The following CFH variants were observed in gnomAD, a reference collection of about 807,000 sequenced individuals.
CFH encodes complement factor H.
A neutral mutation model predicts 147.3 loss-of-function variants in CFH; 53 were observed. That is an observed-to-expected ratio of 0.36 (90% CI 0.29 to 0.45). CFH has a LOEUF of 0.45. CFH is among the 20% of genes least tolerant of loss of function. The probability of loss-of-function intolerance (pLI) is 1.00; values close to 1 mark genes in which losing one functional copy is unlikely to be tolerated. For synonymous variants in CFH, 536 were observed against 489.4 expected, an observed-to-expected ratio of 1.10 and a Z score of -1.26; for missense variants, 1,380 against 1,498.0, an observed-to-expected ratio of 0.92 and a Z score of 1.30.
intron 6 of CFH, 117 bp downstream of exon 6, chr1:196,679,910 AT>A: frequency 1.1e-6 from 1 of 945,386 alleles, no homozygotes; most frequent in South Asian, 1.6e-5. Context: ...TAAATAAACT[AT>A]TATAAAAAAC....
At chr1:196,719,338 A>G (rs1208891768) in intron 11 of CFH, among the ~76,000 whole-genome samples, 1 of 151,988 alleles carries the variant, frequency 6.6e-6, no homozygotes, top group African/African-American at 2.4e-5. Flanking sequence ...AGCACAAAAT[A>G]CGTGAACAAA....
intron 11 of CFH, among the ~76,000 whole-genome samples, chr1:196,718,983 T>C (rs1318934065): frequency 6.6e-6 from 1 of 152,084 alleles, no homozygotes; most frequent in African/African-American, 2.4e-5. Flanking sequence ...GACATCTGAG[T>C]ATATTTCAAG....
intron 9 of CFH, among the ~76,000 whole-genome samples, chr1:196,691,187 A>G (rs1668010995): frequency 6.6e-6 from 1 of 152,208 alleles, no homozygotes; most frequent in South Asian, 2.1e-4. Flanking sequence ...CAATCATTTG[A>G]CTCAAAATAA....
intron 21 of CFH, 35 bp downstream of exon 21, chr1:196,746,034 C>A (rs768894055): frequency 3.6e-5 from 58 of 1,614,000 alleles, no homozygotes; most frequent in Non-Finnish European, 4.4e-5. Context: ...CTGGAAAAAT[C>A]TCTGTGATGA....
intron 3 of CFH, among the ~76,000 whole-genome samples, chr1:196,675,395 C>T (rs1305915220): frequency 6.6e-6 from 1 of 152,074 alleles, no homozygotes; most frequent in Non-Finnish European, 1.5e-5. Flanking sequence ...GAGGCAAGTG[C>T]TGAAAGTAAA....
chr1:196,714,668 T>TATATATATAGAGAGAGAG (rs1362376856), intron 10 of CFH, among the ~76,000 whole-genome samples: 1 of 21,312 alleles, frequency 4.7e-5, no homozygotes, highest in Non-Finnish European at 8.4e-5. Flanking sequence ...TATATATATA[T>TATATATATAGAGAGAGAG]AGAGAGAGAG....
At chr1:196,735,038 C>T (rs1480805891) in intron 15 of CFH, among the ~76,000 whole-genome samples, 3 of 152,046 alleles carry the variant, frequency 2.0e-5, no homozygotes, top group Non-Finnish European at 4.4e-5. Flanking sequence ...AAATATAAAA[C>T]TTTAAAGCTC....
intron 1 of CFH, among the ~76,000 whole-genome samples, chr1:196,653,794 T>C (rs577835801): frequency 6.6e-6 from 1 of 152,106 alleles, no homozygotes; most frequent in Non-Finnish European, 1.5e-5. Context: ...TTTCTACTGG[T>C]GAATTGAACA....
chr1:196,733,413 A>G (rs1669326550), intron 15 of CFH, among the ~76,000 whole-genome samples: 1 of 151,980 alleles, frequency 6.6e-6, no homozygotes, highest in Non-Finnish European at 1.5e-5. Context: ...GGAGACTGGT[A>G]TTTTTCTAAT....
At chr1:196,731,659 A>G (rs1669282998) in intron 15 of CFH, among the ~76,000 whole-genome samples, 1 of 151,852 alleles carries the variant, frequency 6.6e-6, no homozygotes, top group South Asian at 2.1e-4. Context: ...ACTCCCTTTA[A>G]CATTTCTTGT....
chr1:196,745,471 ATTTTATAATTCCTATGGG>A, intron 20 of CFH, among the ~76,000 whole-genome samples: 1 of 152,196 alleles, frequency 6.6e-6, no homozygotes, highest in Admixed American at 6.5e-5. Flanking sequence ...ATACTTTTCC[ATTTTATAATTCCTATGGG>A]ATTTTTCGAA....
chr1:196,683,385 C>G lies in CFH; in HGVS notation c.791-1679C>G, dbSNP rs575630876. On this transcript the variant is annotated intron_variant, in intron 6 of 21. Transcript: ENST00000367429. ...CATTGGGCTCATTGGTAGCTTTTAT[C>G]AGAGCAATGGCAACAAAATAGAGGT... Among the ~76,000 whole-genome samples, 3 of 151,640 alleles carry G rather than the reference C, an allele frequency of 2.0e-5. No homozygotes were observed. In the South Asian group the frequency reaches 6.2e-4, roughly 31 times the overall value.
At chr1:196,676,215 T>C (rs993203818) in intron 4 of CFH, 150 bp downstream of exon 4, 25 of 522,208 alleles carry the variant, frequency 4.8e-5, no homozygotes, top group Non-Finnish European at 7.1e-5. Context: ...CTAGTCTTTT[T>C]ATTACTACAT....
chr1:196,723,405 G>T (rs1487483836), intron 11 of CFH, among the ~76,000 whole-genome samples: 1 of 152,146 alleles, frequency 6.6e-6, no homozygotes, highest in Non-Finnish European at 1.5e-5. Context: ...TATGTACTGG[G>T]TGTATGACGA....
At chr1:196,706,891 T>A (rs1668603281) in intron 9 of CFH, among the ~76,000 whole-genome samples, 1 of 152,154 alleles carries the variant, frequency 6.6e-6, no homozygotes, top group Non-Finnish European at 1.5e-5. Context: ...TAGCAGGAAA[T>A]TTTAAATACT....
intron 3 of CFH, among the ~76,000 whole-genome samples, chr1:196,674,332 T>A (rs1404323353): frequency 6.6e-6 from 1 of 152,202 alleles, no homozygotes; most frequent in Admixed American, 6.5e-5. Context: ...GTATGGTAAC[T>A]GTTTTGACAG....
rs765040241 is a variant in CFH, at chr1:196,652,103, TAA to T, written c.-12_-11del. 3 of 1,595,824 alleles carry T rather than the reference TAA, an allele frequency of 1.9e-6. No individual in the cohort carries two copies. The East Asian group carries it at 6.7e-5, about 36-fold the overall frequency. The stretch of plus-strand genomic sequence containing the variant: ...CAGAGTTAGCTGGTAAATGTCCTCT[TAA>T]AAGATCCAAAAAATGAGACTTCTAG... On this transcript the variant is annotated 5_prime_UTR_variant, in exon 1 of 22. Coordinates refer to ENST00000367429, the MANE Select transcript of CFH (RefSeq NM_000186.4).
At chr1:196,664,890 C>T (rs775743940) in intron 1 of CFH, among the ~76,000 whole-genome samples, 1 of 151,846 alleles carries the variant, frequency 6.6e-6, no homozygotes, top group Non-Finnish European at 1.5e-5. Flanking sequence ...TGTCAACTTA[C>T]GTATGAGTAC....
intron 9 of CFH, among the ~76,000 whole-genome samples, chr1:196,692,897 CCCTCCCTTCCTT>C (rs1419108707): frequency 5.8e-5 from 4 of 68,934 alleles, no homozygotes; most frequent in African/African-American, 2.2e-4. Flanking sequence ...CTCCCTCCCT[CCCTCCCTTCCTT>C]CCTTCCTTCC....
Sources: gnomAD v4.1 joint callset for allele counts (sites outside exome capture counted in the v4.1 genomes callset) on GRCh38, gnomAD v4.1.1 for gene constraint, MANE v1.5 for transcripts, NCBI Gene and HGNC (gene_info 2026-07-23, HGNC 2026-07-21) for gene names.